Variants in EPM2A observed in about 807,000 individuals in gnomAD.
EPM2A encodes EPM2A glucan phosphatase, laforin.
EPM2A carries 21 observed loss-of-function variants against 26.5 expected under a neutral mutation model. The observed-to-expected ratio is 0.79, with a 90% confidence interval of 0.56 to 1.14. The LOEUF is 1.14. EPM2A is among the 50% of genes most tolerant of loss of function. The pLI, the probability that EPM2A is intolerant of heterozygous loss-of-function variation, is 0.00. For synonymous variants in EPM2A, 217 were observed against 177.6 expected, an observed-to-expected ratio of 1.22 and a Z score of -1.76; for missense variants, 458 against 440.8, an observed-to-expected ratio of 1.04 and a Z score of -0.35.
intron 2 of EPM2A, among the ~76,000 whole-genome samples, chr6:145,517,304 C>T (rs1780141581): frequency 6.6e-6 from 1 of 152,110 alleles, no homozygotes; most frequent in African/African-American, 2.4e-5. Flanking sequence ...GTACTGCTCA[C>T]ATAAAAAATG....
chr6:145,613,870 C>T (rs4398765), intron 2 of EPM2A, among the ~76,000 whole-genome samples: 1 of 152,034 alleles, frequency 6.6e-6, no homozygotes, highest in African/African-American at 2.4e-5. Context: ...ACCTTAGGGT[C>T]TTCATAATGA....
intron 4 of EPM2A, among the ~76,000 whole-genome samples, chr6:145,428,075 G>GTTTTTTTT: frequency 1.0e-5 from 1 of 97,530 alleles, no homozygotes. Context: ...TGTGTTGATA[G>GTTTTTTTT]TTTTTTTTTT....
chr6:145,461,793 C>T (rs567460921), intron 4 of EPM2A, among the ~76,000 whole-genome samples: 2 of 152,176 alleles, frequency 1.3e-5, no homozygotes, highest in Non-Finnish European at 1.5e-5. Flanking sequence ...TGAGAAGGCA[C>T]AGCAGGTTCT....
intron 4 of EPM2A, among the ~76,000 whole-genome samples, chr6:145,461,439 C>T (rs1226392155): frequency 1.3e-5 from 2 of 152,138 alleles, no homozygotes. Context: ...TTGAGTGAAA[C>T]ACAGATGATG....
intron 4 of EPM2A, among the ~76,000 whole-genome samples, chr6:145,450,402 T>C (rs532530768): frequency 4.1e-5 from 6 of 147,942 alleles, no homozygotes; most frequent in South Asian, 4.3e-4. Context: ...GGGGTATAAA[T>C]TGGCACAACC....
At chr6:145,436,033 T>C (rs1244832088) in intron 4 of EPM2A, among the ~76,000 whole-genome samples, 1 of 152,162 alleles carries the variant, frequency 6.6e-6, no homozygotes, top group African/African-American at 2.4e-5. Flanking sequence ...AAATGACAGG[T>C]ATCCACCACT....
At chr6:145,566,788 G>C (rs1437064996) in intron 2 of EPM2A, among the ~76,000 whole-genome samples, 1 of 152,130 alleles carries the variant, frequency 6.6e-6, no homozygotes, top group Non-Finnish European at 1.5e-5. Context: ...GATACTCTGT[G>C]GTGTTTTAGA....
At chr6:145,488,501 G>GTGTGTT (rs1434892978) in intron 4 of EPM2A, among the ~76,000 whole-genome samples, 27 of 133,354 alleles carry the variant, frequency 2.0e-4, no homozygotes, top group Non-Finnish European at 1.5e-5. Context: ...GTGGTTGTGT[G>GTGTGTT]TGTGTGTGTG....
chr6:145,519,863 A>T (rs1016339247), intron 2 of EPM2A, among the ~76,000 whole-genome samples: 1 of 152,210 alleles, frequency 6.6e-6, no homozygotes, highest in Non-Finnish European at 1.5e-5. Context: ...AAGATGAAGA[A>T]ATGTAGGCCC....
At chr6:145,456,978 A>G (rs1441610818) in intron 4 of EPM2A, among the ~76,000 whole-genome samples, 1 of 152,238 alleles carries the variant, frequency 6.6e-6, no homozygotes, top group Non-Finnish European at 1.5e-5. Context: ...AAATTCAAAT[A>G]GACTATGAGA....
At chr6:145,407,740 C>G (rs1021906083) in intron 4 of EPM2A, among the ~76,000 whole-genome samples, 15 of 152,074 alleles carry the variant, frequency 9.9e-5, no homozygotes, top group African/African-American at 3.1e-4. Context: ...GAATATGAAC[C>G]TTTTATTCAT....
intron 2 of EPM2A, among the ~76,000 whole-genome samples, chr6:145,672,255 T>C (rs1244242509): frequency 6.6e-6 from 1 of 152,368 alleles, no homozygotes; most frequent in East Asian, 1.9e-4. Context: ...CACAAATTGA[T>C]TCCACACATC....
At chr6:145,605,539 G>A (rs1274217033) in intron 2 of EPM2A, among the ~76,000 whole-genome samples, 1 of 152,064 alleles carries the variant, frequency 6.6e-6, no homozygotes, top group Non-Finnish European at 1.5e-5. Flanking sequence ...GGAAAATGTA[G>A]GAGTATGATT....
intron 2 of EPM2A, among the ~76,000 whole-genome samples, chr6:145,610,144 G>A (rs994301844): frequency 6.6e-6 from 1 of 151,732 alleles, no homozygotes; most frequent in Non-Finnish European, 1.5e-5. Context: ...AACCCGGGAG[G>A]AGGAGGTTGC....
chr6:145,727,991 T>C (rs1308941113), intron 1 of EPM2A, among the ~76,000 whole-genome samples: 3 of 152,172 alleles, frequency 2.0e-5, no homozygotes, highest in Admixed American at 1.3e-4. Context: ...TCTGGTTGTT[T>C]AAAAGTGTGT....
chr6:145,434,083 T>C (rs933290732), intron 4 of EPM2A, among the ~76,000 whole-genome samples: 2 of 152,100 alleles, frequency 1.3e-5, no homozygotes, highest in African/African-American at 4.8e-5. Context: ...GGGTATTGAA[T>C]TCTAGATTGA....
intron 2 of EPM2A, among the ~76,000 whole-genome samples, chr6:145,556,495 G>C (rs1033855244): frequency 6.6e-6 from 1 of 152,102 alleles, no homozygotes; most frequent in East Asian, 1.9e-4. Context: ...TATTTAGAAG[G>C]CAGAAAGTAT....
At chr6:145,531,835 C>A (rs1469905423) in intron 2 of EPM2A, among the ~76,000 whole-genome samples, 1 of 152,200 alleles carries the variant, frequency 6.6e-6, no homozygotes, top group Non-Finnish European at 1.5e-5. Flanking sequence ...GATAATTTAT[C>A]CCTTTTTTAT....
chr6:145,617,662 G>A (rs938988762), intron 2 of EPM2A, among the ~76,000 whole-genome samples: 1 of 152,176 alleles, frequency 6.6e-6, no homozygotes, highest in African/African-American at 2.4e-5. Context: ...GATCTGGCCT[G>A]GTGCTGTGGC....
Sources: allele counts gnomAD v4.1 joint callset (sites outside exome capture counted in the v4.1 genomes callset), GRCh38; gene constraint gnomAD v4.1.1; transcripts MANE v1.5; gene names NCBI Gene and HGNC (gene_info 2026-07-23, HGNC 2026-07-21).